The following GOLPH3L variants were observed in gnomAD, a reference collection of about 807,000 sequenced individuals.
The protein encoded by GOLPH3L is Golgi phosphoprotein 3-like.
Under a neutral mutation model 30.3 loss-of-function variants are expected in GOLPH3L, and 22 were observed. The observed-to-expected ratio is 0.73, with a 90% CI of 0.52 to 1.04. GOLPH3L has a LOEUF of 1.04. GOLPH3L is among the 50% of genes least tolerant of loss of function. The pLI is 0.00. For missense variants in GOLPH3L, 303 were observed against 345.8 expected, an observed-to-expected ratio of 0.88 and a Z score of 0.98; for synonymous variants, 120 against 128.2, an observed-to-expected ratio of 0.94 and a Z score of 0.43.
intron 4 of GOLPH3L, among the ~76,000 whole-genome samples, chr1:150,653,302 T>TTA (rs1650168196): frequency 6.7e-6 from 1 of 149,082 alleles, no homozygotes; most frequent in Non-Finnish European, 1.5e-5. Flanking sequence ...TTTTTTATTT[T>TTA]TTTTTTTTTT....
intron 2 of GOLPH3L, among the ~76,000 whole-genome samples, chr1:150,691,285 G>A (rs763944926): frequency 5.3e-5 from 8 of 152,172 alleles, no homozygotes; most frequent in Non-Finnish European, 1.2e-4. Context: ...AGGCCAAGTT[G>A]GGTGGGTCGC....
chr1:150,688,745 T>C (rs999620644), intron 2 of GOLPH3L, among the ~76,000 whole-genome samples: 2 of 152,108 alleles, frequency 1.3e-5, no homozygotes, highest in African/African-American at 4.8e-5. Context: ...AATGAGATTC[T>C]ATCTCAAACA....
chr1:150,672,810 T>C (rs1362770031), intron 2 of GOLPH3L, among the ~76,000 whole-genome samples: 1 of 152,204 alleles, frequency 6.6e-6, no homozygotes, highest in Non-Finnish European at 1.5e-5. Context: ...TGTGACCTGA[T>C]GCTGTTCTGG....
At chr1:150,666,711 A>T (rs1179636085) in intron 2 of GOLPH3L, among the ~76,000 whole-genome samples, 2 of 151,560 alleles carry the variant, frequency 1.3e-5, no homozygotes, top group East Asian at 3.9e-4. Context: ...GATTTCAACA[A>T]TTTTTCATTA....
chr1:150,677,999 T>A lies in GOLPH3L; in HGVS notation c.184-14236A>T, dbSNP rs587649231. On this transcript the variant is annotated intron_variant, in intron 2 of 4. Transcript: ENST00000271732. Reference sequence around the variant, plus strand: ...TTATCAAGTAAAAAGGAAAAAAAAATTTTTTTAAAGAGAAATGTGGCTGGG... The same window carrying A: ...TTATCAAGTAAAAAGGAAAAAAAAAATTTTTTAAAGAGAAATGTGGCTGGG... 2.5e-4 allele frequency among the ~76,000 whole-genome samples: 38 copies of A among 151,180 alleles called. No homozygotes were observed. In the South Asian group the frequency reaches 3.4e-3, roughly 13 times the overall value.
intron 2 of GOLPH3L, among the ~76,000 whole-genome samples, chr1:150,670,424 C>T (rs1201941919): frequency 2.0e-5 from 3 of 151,852 alleles, no homozygotes; most frequent in South Asian, 2.1e-4. Context: ...GGTGAAACCC[C>T]GTCTCTACTA....
At chr1:150,695,619 A>C (rs1198053082) in intron 1 of GOLPH3L, among the ~76,000 whole-genome samples, 1 of 152,200 alleles carries the variant, frequency 6.6e-6, no homozygotes, top group Non-Finnish European at 1.5e-5. Context: ...ATGGTACTAC[A>C]TTATAAAAAA....
intron 2 of GOLPH3L, among the ~76,000 whole-genome samples, chr1:150,672,968 T>C (rs1650677518): frequency 6.6e-6 from 1 of 151,972 alleles, no homozygotes; most frequent in Non-Finnish European, 1.5e-5. Flanking sequence ...GTTACAATGA[T>C]CAGTTTATTA....
At chr1:150,690,354 AAGTTTGGG>A (rs1233891013) in intron 2 of GOLPH3L, among the ~76,000 whole-genome samples, 1 of 152,134 alleles carries the variant, frequency 6.6e-6, no homozygotes, top group Non-Finnish European at 1.5e-5. Flanking sequence ...TCTCCAGTAA[AAGTTTGGG>A]AGTTTGGGAC....
intron 2 of GOLPH3L, among the ~76,000 whole-genome samples, chr1:150,668,369 C>A (rs587750348): frequency 6.6e-6 from 1 of 152,122 alleles, no homozygotes; most frequent in East Asian, 1.9e-4. Flanking sequence ...TACTCCAAGT[C>A]ATATTTGTTT....
intron 3 of GOLPH3L, among the ~76,000 whole-genome samples, chr1:150,662,517 T>TA (rs1360811562): frequency 1.3e-5 from 2 of 152,174 alleles, no homozygotes; most frequent in Non-Finnish European, 2.9e-5. Context: ...AGCCAATAGT[T>TA]AAATATGTTT....
intron 2 of GOLPH3L, among the ~76,000 whole-genome samples, chr1:150,678,899 C>A (rs1442499169): frequency 2.0e-5 from 3 of 152,128 alleles, no homozygotes; most frequent in African/African-American, 7.2e-5. Flanking sequence ...TGCAGTGAGC[C>A]GAGAGCCAAG....
At chr1:150,663,433 G>A (rs1169330216) in intron 3 of GOLPH3L, among the ~76,000 whole-genome samples, 199 bp downstream of exon 3, 1 of 152,110 alleles carries the variant, frequency 6.6e-6, no homozygotes, top group Non-Finnish European at 1.5e-5. Flanking sequence ...ACAAAACCAG[G>A]AGCTTCCTAT....
intron 2 of GOLPH3L, among the ~76,000 whole-genome samples, chr1:150,671,238 T>C (rs927204126): frequency 4.0e-5 from 6 of 149,212 alleles, no homozygotes; most frequent in Admixed American, 3.3e-4. Flanking sequence ...TAAGACTCCA[T>C]CTCAAGAAAA....
chr1:150,687,406 C>T (rs932663006), intron 2 of GOLPH3L, among the ~76,000 whole-genome samples: 1 of 151,646 alleles, frequency 6.6e-6, no homozygotes, highest in African/African-American at 2.4e-5. Flanking sequence ...GGTAAAACCC[C>T]GTTTCTACTA....
At chr1:150,675,707 T>A (rs1571047888) in intron 2 of GOLPH3L, among the ~76,000 whole-genome samples, 1 of 124,604 alleles carries the variant, frequency 8.0e-6, no homozygotes, top group Non-Finnish European at 1.6e-5. Context: ...ATCTGGGAGG[T>A]GGAGGTTGCA....
At chr1:150,689,361 T>C (rs587619035) in intron 2 of GOLPH3L, among the ~76,000 whole-genome samples, 24 of 152,360 alleles carry the variant, frequency 1.6e-4, no homozygotes, top group African/African-American at 5.5e-4. Flanking sequence ...TGAAAAGTTT[T>C]ATACATTAGC....
At chr1:150,693,797 A>ATGTATGTGTGTGTGTGTGTGTGTG (rs1553189136) in intron 2 of GOLPH3L, among the ~76,000 whole-genome samples, 1 of 60,970 alleles carries the variant, frequency 1.6e-5, no homozygotes, top group African/African-American at 8.7e-5. Context: ...TTGTTTATGT[A>ATGTATGTGTGTGTGTGTGTGTGTG]TGTGTGTGTG....
At chr1:150,694,003 G>GC in intron 2 of GOLPH3L, 1 of 256,542 alleles carries the variant, frequency 3.9e-6, no homozygotes, top group Non-Finnish European at 8.0e-6. Flanking sequence ...GGGATTACAG[G>GC]CACCCGCCGC....
Sources: allele counts gnomAD v4.1 joint callset (sites outside exome capture counted in the v4.1 genomes callset), GRCh38; gene constraint gnomAD v4.1.1; transcripts MANE v1.5; gene names NCBI Gene and HGNC (gene_info 2026-07-23, HGNC 2026-07-21).